MBD2: variants seen among roughly 807,000 people sequenced by gnomAD.
The protein encoded by MBD2 is methyl-CpG-binding domain protein 2.
Under a neutral mutation model 39.3 loss-of-function variants are expected in MBD2, and 9 were observed. That is an observed-to-expected ratio of 0.23 (90% confidence interval 0.14 to 0.40). The LOEUF (loss-of-function observed/expected upper bound fraction) is 0.40, where lower values mean the gene tolerates loss of function less well. MBD2 is among the 10% of genes least tolerant of loss of function. The probability of loss-of-function intolerance (pLI) is 1.00; values close to 1 mark genes in which losing one functional copy is unlikely to be tolerated. For synonymous variants in MBD2, 233 were observed against 211.1 expected (o/e 1.10, Z -0.90); for missense variants, 458 against 532.6 (o/e 0.86, Z 1.38).
chr18:54,195,765 A>G (rs189102598), intron 2 of MBD2, among the ~76,000 whole-genome samples: 1 of 152,176 alleles, frequency 6.6e-6, no homozygotes, highest in Admixed American at 6.5e-5. Context: ...GTTTATAGTC[A>G]TGTTGGTACA....
At chr18:54,198,320 C>A (rs1380408001) in intron 2 of MBD2, among the ~76,000 whole-genome samples, 1 of 152,192 alleles carries the variant, frequency 6.6e-6, no homozygotes, top group Non-Finnish European at 1.5e-5. Context: ...TTCACCTACT[C>A]CCTCACATCT....
At chr18:54,201,862 C>CA (rs1205443782) in intron 2 of MBD2, among the ~76,000 whole-genome samples, 492 of 76,746 alleles carry the variant, frequency 6.4e-3, no homozygotes, top group African/African-American at 9.9e-3. Context: ...GACTCCATCT[C>CA]AAAAAAAAAA....
chr18:54,191,547 A>G (rs1002114748), intron 2 of MBD2, among the ~76,000 whole-genome samples: 2 of 152,256 alleles, frequency 1.3e-5, no homozygotes, highest in East Asian at 3.8e-4. Context: ...ATGGCTGTCC[A>G]GTAGTGGCCT....
rs557059428 is a variant in MBD2, at chr18:54,222,983, G to A, written c.542+1035C>T. Among the ~76,000 whole-genome samples the A allele has an allele frequency of 4.3e-4, 65 of 152,302 alleles. No homozygotes were observed. The South Asian group carries it at 4.4e-3, about 10-fold the overall frequency. The stretch of plus-strand genomic sequence containing the variant: ...AATCCTTTATAACATTATTACAATA[G>A]CTAAATGACAATTGTCTCCAATACC... On this transcript the variant is annotated intron_variant, in intron 1 of 6. Transcript: ENST00000256429.
chr18:54,219,358 G>A (rs956967722), intron 1 of MBD2, among the ~76,000 whole-genome samples: 6 of 152,178 alleles, frequency 3.9e-5, no homozygotes, highest in South Asian at 2.1e-4. Flanking sequence ...GTCATTTTAA[G>A]GCTTGTTTTA....
chr18:54,224,356 G>A lies in MBD2; in HGVS notation c.204C>T (p.Gly68=), dbSNP rs956015116. 3.5e-6 allele frequency: 4 copies of A among 1,158,318 alleles called. No homozygotes were observed. The highest frequency in any genetic ancestry group is 3.3e-5 in the African/African-American group (2 of 60,318). 71.8% of individuals were successfully genotyped at this position (1,158,318 alleles called of 1,614,324 possible). A position where few individuals can be genotyped will look rare whatever the true frequency, so the allele number is the denominator to read the frequency against. The change falls in exon 1 of 7, where the codon GGC becomes GGT. Residue 68 remains glycine, a synonymous_variant. Coordinates refer to ENST00000256429, the MANE Select transcript of MBD2 (RefSeq NM_003927.5). ...GRGRGRWKQA[G]RGGGVCGRGR... ...CACGGCCACAGACGCCGCCGCCCCG[G>A]CCCGCCTGCTTCCACCGCCCCCGGC...
intron 3 of MBD2, among the ~76,000 whole-genome samples, chr18:54,176,044 A>G (rs996653948): frequency 1.3e-5 from 2 of 152,232 alleles, no homozygotes; most frequent in Non-Finnish European, 2.9e-5. Context: ...GCCTTATAAA[A>G]CAGAAGAAGC....
At chr18:54,222,910 G>C (rs1057389435) in intron 1 of MBD2, among the ~76,000 whole-genome samples, 4 of 152,122 alleles carry the variant, frequency 2.6e-5, no homozygotes, top group Non-Finnish European at 4.4e-5. Flanking sequence ...TCATAAGCAT[G>C]GTATGTGTAC....
chr18:54,209,756 C>T (rs1240581842), intron 1 of MBD2, among the ~76,000 whole-genome samples: 1 of 152,164 alleles, frequency 6.6e-6, no homozygotes, highest in Non-Finnish European at 1.5e-5. Flanking sequence ...AGATGAGATA[C>T]AGACCATCTG....
intron 2 of MBD2, among the ~76,000 whole-genome samples, chr18:54,193,090 T>C (rs2086334546): frequency 6.6e-6 from 1 of 152,204 alleles, no homozygotes; most frequent in African/African-American, 2.4e-5. Flanking sequence ...GACTAACTAG[T>C]TTTCCCAGGA....
intron 3 of MBD2, among the ~76,000 whole-genome samples, chr18:54,175,385 G>A (rs2086204660): frequency 6.6e-6 from 1 of 152,170 alleles, no homozygotes; most frequent in East Asian, 1.9e-4. Flanking sequence ...TTCCACCTCA[G>A]ATCTCCTCCT....
chr18:54,205,041 T>C lies in MBD2; in HGVS notation c.659A>G (p.Lys220Arg), dbSNP rs769651294. The change falls in exon 2 of 7, where the codon AAG becomes AGG. Residue 220 changes from lysine (K) to arginine (R), a missense_variant. By Grantham distance (26) the Lys-to-Arg change is conservative. This residue lies in a region of MBD2 where 189 missense variants were observed against 296.6 expected (regional missense o/e 0.64). Transcript: ENST00000256429. ...ATCGTTTCGCAGTCTCTGTTTGTTCTTCTGTAATTTACTAGGCATCATCTT... is the reference window on the plus strand; with the variant it reads ...ATCGTTTCGCAGTCTCTGTTTGTTCCTCTGTAATTTACTAGGCATCATCTT... ...TGKMMPSKLQ[K>R]NKQRLRNDPL... The C allele has an allele frequency of 6.2e-7, 1 of 1,614,010 alleles. No homozygotes were observed. Among genetic ancestry groups the C allele is most frequent in the Non-Finnish European group, 8.5e-7 (1 of 1,179,942 alleles).
At chr18:54,200,048 C>G (rs1423381056) in intron 2 of MBD2, among the ~76,000 whole-genome samples, 1 of 152,122 alleles carries the variant, frequency 6.6e-6, no homozygotes, top group Non-Finnish European at 1.5e-5. Flanking sequence ...TGTATTTATA[C>G]TCACAAAAAC....
intron 1 of MBD2, among the ~76,000 whole-genome samples, chr18:54,212,678 A>G (rs770670230): frequency 6.6e-6 from 1 of 152,010 alleles, no homozygotes; most frequent in Non-Finnish European, 1.5e-5. Context: ...TTTCCCCCCA[A>G]AATAGGAAAG....
At chr18:54,181,348 C>A (rs941080800) in intron 3 of MBD2, among the ~76,000 whole-genome samples, 1 of 152,154 alleles carries the variant, frequency 6.6e-6, no homozygotes, top group African/African-American at 2.4e-5. Flanking sequence ...TATAAATTTT[C>A]TACCACTCAA....
At chr18:54,195,872 T>A (rs934771865) in intron 2 of MBD2, among the ~76,000 whole-genome samples, 2 of 152,138 alleles carry the variant, frequency 1.3e-5, no homozygotes, top group African/African-American at 4.8e-5. Context: ...TTCCCAGAAA[T>A]AAAGCTATCC....
intron 2 of MBD2, among the ~76,000 whole-genome samples, chr18:54,199,245 T>C (rs2086388346): frequency 1.3e-5 from 2 of 152,356 alleles, no homozygotes; most frequent in Middle Eastern, 3.4e-3. Context: ...CCATTGAAAC[T>C]GGTAAAGTCA....
intron 4 of MBD2, 31 bp from the exon 5 acceptor site, chr18:54,164,731 A>C (rs1002201497): frequency 2.5e-6 from 4 of 1,573,306 alleles, no homozygotes; most frequent in African/African-American, 2.7e-5. Flanking sequence ...TAGTTAAAGG[A>C]AATGTCTCAA....
At chr18:54,160,444 A>G (rs1032900695) in intron 5 of MBD2, among the ~76,000 whole-genome samples, 3 of 151,902 alleles carry the variant, frequency 2.0e-5, no homozygotes, top group Admixed American at 1.3e-4. Context: ...AGACTACATG[A>G]TCCTGCACAC....
Sources: allele counts gnomAD v4.1 joint callset (sites outside exome capture counted in the v4.1 genomes callset), GRCh38; gene constraint gnomAD v4.1.1; regional missense constraint gnomAD v4.1.1; transcripts MANE v1.5; gene names NCBI Gene and HGNC (gene_info 2026-07-23, HGNC 2026-07-21).